ERV3-1: variants seen among roughly 807,000 people sequenced by gnomAD.
The protein encoded by ERV3-1 is endogenous retrovirus group 3 member 1, envelope.
Under a neutral mutation model 24.6 loss-of-function variants are expected in ERV3-1, and 36 were observed. The observed-to-expected ratio is 1.47, with a 90% confidence interval of 1.12 to 1.94. The LOEUF is 1.94. Among genes scored for constraint, ERV3-1 ranks in the 30% most tolerant of loss-of-function variants. The pLI is 0.00. For synonymous variants in ERV3-1, 211 were observed against 122.6 expected, an observed-to-expected ratio of 1.72 and a Z score of -4.76; for missense variants, 578 against 330.9, an observed-to-expected ratio of 1.75 and a Z score of -5.79.
intron 1 of ERV3-1, among the ~76,000 whole-genome samples, chr7:65,000,989 G>A (rs1211861320): frequency 6.6e-6 from 1 of 152,056 alleles, no homozygotes; most frequent in African/African-American, 2.4e-5. Context: ...TAAATAATAA[G>A]AACACATGGA....
rs1248429750 is a variant in ERV3-1, at chr7:65,006,582, A to C, written c.-430T>G. 41 of 1,574,532 alleles carry C rather than the reference A, an allele frequency of 2.6e-5. No individual in the cohort carries two copies. In the East Asian group the frequency reaches 8.5e-4, roughly 33 times the overall value. On this transcript the variant is annotated 5_prime_UTR_variant, in exon 1 of 2. Transcript: ENST00000394323. ...GTGGGTCCTGGCGTCTTAGCTGTGG[A>C]TCTCCCAATACCTGCAGGTAACGAG...
intron 1 of ERV3-1, among the ~76,000 whole-genome samples, chr7:65,005,570 C>G (rs1308925243): frequency 6.6e-6 from 1 of 151,830 alleles, no homozygotes; most frequent in Non-Finnish European, 1.5e-5. Flanking sequence ...CATTAAAGGA[C>G]AAATAGTTGA....
At chr7:65,001,624 G>A (rs907381177) in intron 1 of ERV3-1, among the ~76,000 whole-genome samples, 1 of 152,136 alleles carries the variant, frequency 6.6e-6, no homozygotes, top group Non-Finnish European at 1.5e-5. Context: ...GTGGGAGTGG[G>A]AGGAGACCTC....
intron 1 of ERV3-1, 124 bp downstream of exon 1, chr7:65,006,414 AAGG>A (rs1183825631): frequency 2.1e-5 from 30 of 1,436,784 alleles, no homozygotes; most frequent in Non-Finnish European, 2.8e-5. Flanking sequence ...GAGCTGCGCC[AAGG>A]AGAACTCGGG....
At position 64,992,541 on chromosome 7, in the gene ERV3-1, T is replaced by G. The variant is rs1017260029; in HGVS notation, c.486A>C (p.Val162=). 3 of 766,410 alleles carry G rather than the reference T, an allele frequency of 3.9e-6. No homozygotes were observed. Among genetic ancestry groups the G allele is most frequent in the Non-Finnish European group, 4.8e-6 (2 of 417,914 alleles). The allele number at this position is 766,410 out of a possible 1,614,324, so 47.5% of individuals were successfully genotyped here. ...ACGTTGTGCAGTCCCAGCAAGTTGT[T>G]ACTGGGGAATCGGTGGAACAAGCAG... ...AHPACSTDSP[V]TTCWDCTTWS... is the part of the protein sequence containing the mutation. The change falls in exon 2 of 2, where the codon GTA becomes GTC. Residue 162 remains valine, a synonymous_variant. Coordinates refer to ENST00000394323, the MANE Select transcript of ERV3-1 (RefSeq NM_001007253.4).
Position 64,990,868 on chromosome 7 carries a change from G to A in ERV3-1, c.*344C>T, listed in dbSNP as rs1786247708. The A allele has an allele frequency of 1.1e-5, 2 of 175,026 alleles. No individual in the cohort carries two copies. The highest frequency in any genetic ancestry group is 4.7e-5 in the African/African-American group (2 of 42,122). 10.8% of individuals were successfully genotyped at this position (175,026 alleles called of 1,614,324 possible). On this transcript the variant is annotated 3_prime_UTR_variant, in exon 2 of 2. Transcript: ENST00000394323. ...GGAGTGAGTCAGACTGGTCAGGAAA[G>A]GACTTGTTTTCCCTTTACTTGTTTT...
intron 1 of ERV3-1, among the ~76,000 whole-genome samples, chr7:64,995,213 C>T (rs999970396): frequency 6.6e-6 from 1 of 152,168 alleles, no homozygotes. Context: ...AATTGTTGCC[C>T]CAGGGTCAGT....
At chr7:65,006,424 C>A in intron 1 of ERV3-1, 117 bp downstream of exon 1, 1 of 1,474,182 alleles carries the variant, frequency 6.8e-7, no homozygotes, top group Non-Finnish European at 9.5e-7. Flanking sequence ...AAGGAGAACT[C>A]GGGGCCGCGG....
chr7:64,999,330 C>T, intron 1 of ERV3-1, among the ~76,000 whole-genome samples: 1 of 152,244 alleles, frequency 6.6e-6, no homozygotes, highest in South Asian at 2.1e-4. Flanking sequence ...CCCCTCCTGG[C>T]TGGCTCGCCA....
chr7:65,000,047 T>C (rs1786485834), intron 1 of ERV3-1, among the ~76,000 whole-genome samples: 1 of 152,038 alleles, frequency 6.6e-6, no homozygotes, highest in African/African-American at 2.4e-5. Flanking sequence ...CATAATTGGG[T>C]TTATACCCCA....
intron 1 of ERV3-1, chr7:65,004,767 G>A (rs1297862153): frequency 6.6e-6 from 1 of 151,846 alleles, no homozygotes; most frequent in Non-Finnish European, 1.5e-5. Context: ...TAAGTGCTCA[G>A]TGACCACCCT....
chr7:64,996,504 G>A (rs1292378575), intron 1 of ERV3-1, among the ~76,000 whole-genome samples: 1 of 152,168 alleles, frequency 6.6e-6, no homozygotes, highest in East Asian at 1.9e-4. Context: ...TTCATGTATA[G>A]TCTCCATTCC....
At chr7:65,002,136 C>T (rs557077864) in intron 1 of ERV3-1, among the ~76,000 whole-genome samples, 12 of 152,108 alleles carry the variant, frequency 7.9e-5, no homozygotes, top group African/African-American at 2.7e-4. Flanking sequence ...TGGTAAATAG[C>T]GTTAATAAAA....
chr7:64,999,344 T>C (rs945978325), intron 1 of ERV3-1, among the ~76,000 whole-genome samples: 13 of 152,092 alleles, frequency 8.5e-5, no homozygotes, highest in African/African-American at 2.9e-4. Context: ...CTCGCCAAAA[T>C]GTTGTGGGAA....
chr7:64,991,514 A>G lies in ERV3-1; in HGVS notation c.1513T>C (p.Tyr505His), dbSNP rs1286957264. Residue 505 changes from tyrosine (Y) to histidine (H), a missense_variant, in exon 2 of 2, where the codon TAC (tyrosine) becomes CAC (histidine). By Grantham distance (83) the Tyr-to-His change is moderately conservative (BLOSUM62 2). Coordinates refer to ENST00000394323, the MANE Select transcript of ERV3-1 (RefSeq NM_001007253.4). The part of the protein sequence containing the change: ...ATWAEDGMWG[Y>H]RTPVYMLNRI... ...TTAAGCATGTAAACTGGGGTGCGGT[A>G]TCCCCACATTCCATCTTCTGCCCAG... The G allele has an allele frequency of 1.7e-5, 12 of 704,154 alleles. No individual in the cohort carries two copies. Among genetic ancestry groups the G allele is most frequent in the Non-Finnish European group, 1.6e-5 (6 of 385,008 alleles). The allele number at this position is 704,154 out of a possible 1,614,324, so 43.6% of individuals were successfully genotyped here.
At chr7:65,004,703 CAA>C (rs1404158269) in intron 1 of ERV3-1, 1 of 152,072 alleles carries the variant, frequency 6.6e-6, no homozygotes, top group Non-Finnish European at 1.5e-5. Flanking sequence ...ACTCATATGT[CAA>C]GTCAGGCCAC....
intron 1 of ERV3-1, among the ~76,000 whole-genome samples, chr7:65,001,536 A>C (rs1194181868): frequency 6.6e-6 from 1 of 152,146 alleles, no homozygotes; most frequent in Non-Finnish European, 1.5e-5. Context: ...GTGGGTGGAA[A>C]TCCTGAGGTG....
At chr7:65,002,363 G>T (rs149385376) in intron 1 of ERV3-1, among the ~76,000 whole-genome samples, 1 of 152,084 alleles carries the variant, frequency 6.6e-6, no homozygotes, top group African/African-American at 2.4e-5. Flanking sequence ...TCACTCTGTC[G>T]CCCAGACTAG....
At chr7:65,002,520 G>T (rs1198055612) in intron 1 of ERV3-1, among the ~76,000 whole-genome samples, 1 of 152,086 alleles carries the variant, frequency 6.6e-6, no homozygotes, top group African/African-American at 2.4e-5. Context: ...TAGAGATGGG[G>T]TTTCGTCATG....
Sources: allele counts gnomAD v4.1 joint callset (sites outside exome capture counted in the v4.1 genomes callset), GRCh38; gene constraint gnomAD v4.1.1; transcripts MANE v1.5; gene names NCBI Gene and HGNC (gene_info 2026-07-23, HGNC 2026-07-21).